MAPKBP1: variants seen among roughly 807,000 people sequenced by gnomAD.
The protein encoded by MAPKBP1 is mitogen-activated protein kinase-binding protein 1.
In MAPKBP1, 71 loss-of-function variants were observed where a neutral mutation model predicts 170.5. The observed-to-expected ratio is 0.42, with a 90% confidence interval of 0.34 to 0.51. The LOEUF is 0.51. MAPKBP1 is among the 20% of genes least tolerant of loss of function. The pLI, the probability that MAPKBP1 is intolerant of heterozygous loss-of-function variation, is 0.06. For missense variants in MAPKBP1, 1,598 were observed against 1,933.0 expected (o/e 0.83, Z 3.25); for synonymous variants, 719 against 757.9 (o/e 0.95, Z 0.84).
intron 2 of MAPKBP1, among the ~76,000 whole-genome samples, chr15:41,779,430 C>T (rs2064147650): frequency 6.6e-6 from 1 of 152,114 alleles, no homozygotes; most frequent in African/African-American, 2.4e-5. Flanking sequence ...AGGCTGGTCT[C>T]AAACTCCTGA....
Position 41,824,715 on chromosome 15 carries a change from G to A in MAPKBP1, c.4299+146G>A, listed in dbSNP as rs550000318. 44 of 810,968 alleles carry A rather than the reference G, an allele frequency of 5.4e-5. No homozygotes were observed. The Middle Eastern group carries it at 6.9e-4, about 13-fold the overall frequency. 50.2% of individuals were successfully genotyped at this position (810,968 alleles called of 1,614,324 possible). ...ACATCTTGGGCAGCATAGGTGAGGGGGTTAGAGGCCAGGCTAGCCTCTTGT... is the reference window on the plus strand; with the variant it reads ...ACATCTTGGGCAGCATAGGTGAGGGAGTTAGAGGCCAGGCTAGCCTCTTGT... On this transcript the variant is annotated intron_variant, in intron 30 of 30. Transcript: ENST00000457542.
Position 41,817,896 on chromosome 15 carries a change from C to T in MAPKBP1, c.1905-113C>T. On this transcript the variant is annotated intron_variant, in intron 16 of 30. Coordinates refer to ENST00000457542, the MANE Select transcript of MAPKBP1 (RefSeq NM_014994.3). This position sits in a 1 kb window ranked among gnomAD's most constrained non-coding sequence, Gnocchi z 4.2. Reference sequence around the variant, plus strand: ...CCAAGAGGTGGTAGCCTGTTTGCTGCTGGGGGTAGCTCCCAGAGAGTGTAG... The same window carrying T: ...CCAAGAGGTGGTAGCCTGTTTGCTGTTGGGGGTAGCTCCCAGAGAGTGTAG... 1 of 1,514,498 alleles carries T rather than the reference C, an allele frequency of 6.6e-7. No individual in the cohort carries two copies. Among genetic ancestry groups the T allele is most frequent in the Non-Finnish European group, 9.1e-7 (1 of 1,095,880 alleles). 93.8% of individuals were successfully genotyped at this position (1,514,498 alleles called of 1,614,324 possible). A position where few individuals can be genotyped will look rare whatever the true frequency, so the allele number is the denominator to read the frequency against.
At chr15:41,808,940 C>T (rs2064754234) in intron 3 of MAPKBP1, among the ~76,000 whole-genome samples, 1 of 151,944 alleles carries the variant, frequency 6.6e-6, no homozygotes, top group Admixed American at 6.6e-5. Context: ...GTGGCATGTG[C>T]CTGTAATCCC....
intron 12 of MAPKBP1, among the ~76,000 whole-genome samples, 159 bp downstream of exon 12, chr15:41,815,958 A>G (rs967401967): frequency 1.3e-5 from 2 of 152,268 alleles, no homozygotes; most frequent in African/African-American, 4.8e-5. Flanking sequence ...AGCAGAAATC[A>G]TCTTCACCAA....
intron 2 of MAPKBP1, among the ~76,000 whole-genome samples, chr15:41,775,756 G>A (rs1044459022): frequency 3.9e-5 from 6 of 152,218 alleles, no homozygotes; most frequent in Non-Finnish European, 4.4e-5. Context: ...GACTAATGTA[G>A]CTGCAGGTGT....
chr15:41,781,403 T>TG (rs1267595742), intron 2 of MAPKBP1, among the ~76,000 whole-genome samples: 1 of 145,208 alleles, frequency 6.9e-6, no homozygotes, highest in Non-Finnish European at 1.5e-5. Context: ...TTTTTTGTTT[T>TG]TTTTTTTTTC....
At position 41,774,859 on chromosome 15, in the gene MAPKBP1, A is replaced by G. The variant is rs960605913; in HGVS notation, c.-110+249A>G. 3 of 417,048 alleles carry G rather than the reference A, an allele frequency of 7.2e-6. No homozygotes were observed. The East Asian group carries it at 1.1e-4, about 15-fold the overall frequency. The allele number at this position is 417,048 out of a possible 1,614,324, so 25.8% of individuals were successfully genotyped here. On this transcript the variant is annotated intron_variant, in intron 1 of 30. Coordinates refer to ENST00000457542, the MANE Select transcript of MAPKBP1 (RefSeq NM_014994.3). ...GTCTCGGCGGCCTCCTCCCTTGGAC[A>G]CTACAGTTGCCATGGGAACAGTTGG...
chr15:41,805,938 G>A (rs2152075989), intron 3 of MAPKBP1, among the ~76,000 whole-genome samples: 1 of 152,228 alleles, frequency 6.6e-6, no homozygotes, highest in South Asian at 2.1e-4. Flanking sequence ...AGTCCTAAAT[G>A]CCTGAGGTAC....
At position 41,822,399 on chromosome 15, in the gene MAPKBP1, C is replaced by G. The variant is rs1391249031; in HGVS notation, c.3206C>G (p.Thr1069Ser). The G allele has an allele frequency of 1.2e-6, 2 of 1,614,070 alleles. No individual in the cohort carries two copies. The highest frequency in any genetic ancestry group is 8.5e-7 in the Non-Finnish European group (1 of 1,180,006). The change falls in exon 26 of 31, where the codon ACT becomes AGT. Residue 1069 changes from threonine (T) to serine (S), a missense_variant. Thr to Ser is a moderately conservative substitution (Grantham distance 58). Coordinates refer to ENST00000457542, the MANE Select transcript of MAPKBP1 (RefSeq NM_014994.3). ...QEQFLKQHFE[T>S]LASGAAPGAP... ...CAGTTTCTAAAACAGCACTTTGAGA[C>G]TCTGGCCAGTGGAGCTGCTCCAGGT...
At chr15:41,774,922 GGGCCCATC>G in intron 1 of MAPKBP1, 1 of 465,044 alleles carries the variant, frequency 2.2e-6, no homozygotes, top group Non-Finnish European at 3.8e-6. Context: ...AGACCAACTG[GGGCCCATC>G]CCATCCATCT....
chr15:41,816,487 A>T, intron 12 of MAPKBP1, 72 bp from the exon 13 acceptor site: 2 of 1,004,634 alleles, frequency 2.0e-6, no homozygotes, highest in Non-Finnish European at 3.1e-6. Context: ...GAGAAAATGT[A>T]GCAGAGGAGG....
intron 25 of MAPKBP1, 27 bp from the exon 26 acceptor site, chr15:41,822,198 A>AT: frequency 6.2e-7 from 1 of 1,607,018 alleles, no homozygotes; most frequent in Non-Finnish European, 8.5e-7. Flanking sequence ...GTGCAGTGCG[A>AT]TGCCTCTCTC....
chr15:41,776,567 G>A (rs1480997986), intron 2 of MAPKBP1, among the ~76,000 whole-genome samples: 1 of 152,188 alleles, frequency 6.6e-6, no homozygotes, highest in African/African-American at 2.4e-5. Context: ...CCTGAGGCAG[G>A]CAAAGAAGCC....
At chr15:41,822,152 C>T (rs776541937) in intron 25 of MAPKBP1, 42 bp downstream of exon 25, 3 of 1,591,082 alleles carry the variant, frequency 1.9e-6, no homozygotes, top group South Asian at 1.1e-5. Context: ...GGGGGTGGGG[C>T]CTGGAGGTGG....
chr15:41,811,101 C>G, intron 4 of MAPKBP1, 77 bp from the exon 5 acceptor site: 1 of 1,580,328 alleles, frequency 6.3e-7, no homozygotes, highest in Non-Finnish European at 8.7e-7. Context: ...GCTGGTCTCA[C>G]CTTTTGAGAG....
intron 2 of MAPKBP1, among the ~76,000 whole-genome samples, chr15:41,798,931 G>T (rs976420386): frequency 2.6e-5 from 4 of 152,230 alleles, no homozygotes; most frequent in African/African-American, 4.8e-5. Context: ...AAGACCTGGA[G>T]CAGCAAGTGA....
intron 1 of MAPKBP1, 124 bp downstream of exon 1, chr15:41,774,734 G>T: frequency 2.5e-6 from 1 of 399,898 alleles, no homozygotes; most frequent in South Asian, 1.3e-4. Flanking sequence ...GAGTGGGGGA[G>T]GGAGGCTCCC....
chr15:41,813,112 C>T lies in MAPKBP1; in HGVS notation c.819+11C>T, dbSNP rs896214886. ...TGGGTGGAGCTGAGGGTAAGTACCT[C>T]CGTCCCCAGGGGTAGGGTCTGCTCA... On this transcript the variant is annotated intron_variant, in intron 8 of 30. Coordinates refer to ENST00000457542, the MANE Select transcript of MAPKBP1 (RefSeq NM_014994.3). 1.3e-6 allele frequency: 2 copies of T among 1,591,582 alleles called. No individual in the cohort carries two copies. The highest frequency in any genetic ancestry group is 1.7e-6 in the Non-Finnish European group (2 of 1,169,018).
rs2064076305 is a variant in MAPKBP1, at chr15:41,775,186, G to A, written c.-90G>A. 9 of 969,996 alleles carry A rather than the reference G, an allele frequency of 9.3e-6. No homozygotes were observed. In the East Asian group the frequency reaches 1.9e-4, roughly 21 times the overall value. 60.1% of individuals were successfully genotyped at this position (969,996 alleles called of 1,614,324 possible). Reference sequence around the variant, plus strand: ...TCTCAGGTCAGTGAGAGGGCATACTGGGAAGCCCTCTGGAGTGGGAAGACA... The same window carrying A: ...TCTCAGGTCAGTGAGAGGGCATACTAGGAAGCCCTCTGGAGTGGGAAGACA... On this transcript the variant is annotated 5_prime_UTR_variant, in exon 2 of 31. Transcript: ENST00000457542.
Sources: gnomAD v4.1 joint callset for allele counts (sites outside exome capture counted in the v4.1 genomes callset) on GRCh38, gnomAD v4.1.1 for gene constraint, Gnocchi (gnomAD v3.1) non-coding constraint, MANE v1.5 for transcripts, NCBI Gene and HGNC (gene_info 2026-07-23, HGNC 2026-07-21) for gene names.